Variants in CLXN observed in about 807,000 individuals in gnomAD.
CLXN encodes calaxin, also known as EF-hand calcium binding domain 1.
chr8:48,715,310 C>T, the CLXN span: 1 of 152,124 alleles, frequency 6.6e-6, no homozygotes, highest in Non-Finnish European at 1.5e-5. Context: ...CAGCTCTTGT[C>T]TCCCCAACAA....
the CLXN span, among the ~76,000 whole-genome samples, chr8:48,720,243 G>A: frequency 3.9e-5 from 6 of 152,136 alleles, no homozygotes; most frequent in African/African-American, 1.4e-4. Context: ...TAGGGAACAA[G>A]GGAAGACAAC....
chr8:48,725,660 C>G, the CLXN span, among the ~76,000 whole-genome samples: 1 of 151,914 alleles, frequency 6.6e-6, no homozygotes, highest in Non-Finnish European at 1.5e-5. Context: ...TAAAATTATC[C>G]GGGCGTGGTG....
At chr8:48,731,303 A>G in the CLXN span, 3 of 1,516,764 alleles carry the variant, frequency 2.0e-6, no homozygotes, top group South Asian at 1.3e-5. Flanking sequence ...TTTTTTTTTC[A>G]GTTATGGCTG....
chr8:48,722,873 T>C, the CLXN span, among the ~76,000 whole-genome samples: 5 of 152,052 alleles, frequency 3.3e-5, no homozygotes, highest in South Asian at 2.1e-4. Context: ...ATTATGCTAA[T>C]TGAAATAAGC....
At chr8:48,724,239 T>A in the CLXN span, 1 of 152,368 alleles carries the variant, frequency 6.6e-6, no homozygotes, top group Admixed American at 6.5e-5. Flanking sequence ...TTTCCATGTA[T>A]CTTTCATCTC....
At chr8:48,720,135 G>A in the CLXN span, among the ~76,000 whole-genome samples, 2 of 152,178 alleles carry the variant, frequency 1.3e-5, no homozygotes, top group African/African-American at 4.8e-5. Context: ...GGACCACTGT[G>A]ATAATTGTGT....
the CLXN span, among the ~76,000 whole-genome samples, chr8:48,732,907 G>A: frequency 5.3e-5 from 8 of 152,108 alleles, no homozygotes; most frequent in African/African-American, 1.4e-4. Flanking sequence ...CAGATTTATA[G>A]AGACAAAGTA....
the CLXN span, chr8:48,714,832 G>A: frequency 6.6e-6 from 1 of 152,164 alleles, no homozygotes; most frequent in African/African-American, 2.4e-5. Context: ...AAGAAAGTAA[G>A]CACTGTGTTA....
At chr8:48,712,315 T>A in the CLXN span, 1 of 152,460 alleles carries the variant, frequency 6.6e-6, no homozygotes, top group Non-Finnish European at 1.5e-5. Context: ...GAAATGCAGA[T>A]GGGAGGTGGG....
chr8:48,735,127 G>C, the CLXN span: 4 of 1,614,152 alleles, frequency 2.5e-6, no homozygotes, highest in Non-Finnish European at 3.4e-6. Context: ...GTGTCCGTCA[G>C]CTTCTGCAGT....
the CLXN span, among the ~76,000 whole-genome samples, chr8:48,723,224 C>T: frequency 2.9e-4 from 44 of 152,058 alleles, no homozygotes; most frequent in Non-Finnish European, 7.4e-5. Flanking sequence ...ACAATGCATA[C>T]AAATATAAAA....
At chr8:48,730,606 T>A in the CLXN span, 1 of 1,611,762 alleles carries the variant, frequency 6.2e-7, no homozygotes, top group African/African-American at 1.3e-5. Flanking sequence ...TCCAATACAT[T>A]TACACAGCCA....
At chr8:48,722,702 C>T in the CLXN span, among the ~76,000 whole-genome samples, 2 of 152,182 alleles carry the variant, frequency 1.3e-5, no homozygotes, top group East Asian at 3.9e-4. Flanking sequence ...ATCCCTCCAC[C>T]CTAACTCTAC....
At chr8:48,735,033 G>C in the CLXN span, 3 of 1,585,234 alleles carry the variant, frequency 1.9e-6, no homozygotes, top group Admixed American at 1.7e-5. Context: ...ACCTTAGCAC[G>C]GGGTGGGACC....
At chr8:48,720,227 G>A in the CLXN span, among the ~76,000 whole-genome samples, 112 of 152,260 alleles carry the variant, frequency 7.4e-4, no homozygotes, top group African/African-American at 2.6e-3. Context: ...GAATAACAGC[G>A]ATTTTTAGGG....
the CLXN span, among the ~76,000 whole-genome samples, chr8:48,720,042 T>C: frequency 2.0e-5 from 3 of 152,224 alleles, no homozygotes; most frequent in Admixed American, 6.5e-5. Context: ...TCCCAAATAA[T>C]ACTTTTATAA....
At chr8:48,727,342 G>A in the CLXN span, among the ~76,000 whole-genome samples, 3 of 152,300 alleles carry the variant, frequency 2.0e-5, no homozygotes, top group East Asian at 5.8e-4. Context: ...TGGCCTCAGT[G>A]AGCTGACATG....
chr8:48,725,297 A>G, the CLXN span, among the ~76,000 whole-genome samples: 1 of 152,190 alleles, frequency 6.6e-6, no homozygotes, highest in Non-Finnish European at 1.5e-5. Flanking sequence ...TGACCTTGCA[A>G]TAGCAGATTC....
chr8:48,726,186 C>T, the CLXN span, among the ~76,000 whole-genome samples: 1 of 130,340 alleles, frequency 7.7e-6, no homozygotes, highest in Non-Finnish European at 1.6e-5. Flanking sequence ...CATCCATCCA[C>T]TCATCCATCC....
Sources: allele counts gnomAD v4.1 joint callset (sites outside exome capture counted in the v4.1 genomes callset), GRCh38; gene constraint gnomAD v4.1.1; transcripts MANE v1.5; gene names NCBI Gene and HGNC (gene_info 2026-07-23, HGNC 2026-07-21).